XRCC4: variants seen among roughly 807,000 people sequenced by gnomAD.
XRCC4 encodes the protein DNA repair protein XRCC4.
A neutral mutation model predicts 39.1 loss-of-function variants in XRCC4; 28 were observed. The ratio of observed to expected loss-of-function variants is 0.72; its 90% CI spans 0.53 to 0.98. The LOEUF is 0.98. Ranked by LOEUF, XRCC4 falls within the 50% of genes least tolerant of loss-of-function variation. The pLI, the probability that XRCC4 is intolerant of heterozygous loss-of-function variation, is 0.00. For missense variants in XRCC4, 350 were observed against 376.4 expected, an observed-to-expected ratio of 0.93 and a Z score of 0.58; for synonymous variants, 123 against 126.4, an observed-to-expected ratio of 0.97 and a Z score of 0.18.
intron 3 of XRCC4, among the ~76,000 whole-genome samples, chr5:83,121,745 T>C (rs1476318568): frequency 6.6e-6 from 1 of 152,178 alleles, no homozygotes; most frequent in Admixed American, 6.5e-5. Flanking sequence ...TTAATCATGC[T>C]TTGAGATCAC....
intron 7 of XRCC4, among the ~76,000 whole-genome samples, chr5:83,327,727 C>T (rs923308341): frequency 6.6e-6 from 1 of 151,874 alleles, no homozygotes; most frequent in East Asian, 1.9e-4. Flanking sequence ...GGAGTAAAAC[C>T]TCAATTAGTG....
intron 6 of XRCC4, among the ~76,000 whole-genome samples, 158 bp downstream of exon 6, chr5:83,205,079 A>G (rs1751367505): frequency 6.6e-6 from 1 of 152,146 alleles, no homozygotes; most frequent in Non-Finnish European, 1.5e-5. Context: ...TAATGTTAAA[A>G]CTTAATATTA....
At chr5:83,180,904 A>G (rs905071956) in intron 3 of XRCC4, among the ~76,000 whole-genome samples, 1 of 152,086 alleles carries the variant, frequency 6.6e-6, no homozygotes, top group Non-Finnish European at 1.5e-5. Flanking sequence ...CTCAAACACT[A>G]TTTGTTTTTG....
intron 3 of XRCC4, among the ~76,000 whole-genome samples, chr5:83,133,487 G>A (rs1157675121): frequency 1.3e-5 from 2 of 152,200 alleles, no homozygotes; most frequent in Non-Finnish European, 2.9e-5. Context: ...GCCCCCAAAG[G>A]TGGATTCTAC....
Position 83,157,946 on chromosome 5 carries a change from G to A in XRCC4, c.316-37824G>A, listed in dbSNP as rs28360092. Among the ~76,000 whole-genome samples the A allele has an allele frequency of 2.9e-3, 443 of 152,162 alleles. 12 individuals are homozygous for A. The East Asian group carries it at 0.074, about 25-fold the overall frequency. ...TATTGAAAATGCCTATCCTTATTTT[G>A]AGGTTTGTTGTTTTCCCCACTTGCT... On this transcript the variant is annotated intron_variant, in intron 3 of 7. Transcript: ENST00000396027.
rs77035708 is a variant in XRCC4 at position 83,305,926 on chromosome 5, A to G, written c.894-47205A>G. Among the ~76,000 whole-genome samples, 901 of 152,306 alleles carry G rather than the reference A, an allele frequency of 5.9e-3. 12 individuals carry two copies. Among genetic ancestry groups the G allele is most frequent in the African/African-American group, 0.021 (864 of 41,574 alleles). On this transcript the variant is annotated intron_variant, in intron 7 of 7. Transcript: ENST00000396027. ...ATAATCTCTTCAGAATCACAGCACA[A>G]TGAGAACTCATTCTCAGGATGGTCA...
At chr5:83,195,305 C>T (rs1410646432) in intron 3 of XRCC4, among the ~76,000 whole-genome samples, 1 of 152,056 alleles carries the variant, frequency 6.6e-6, no homozygotes, top group African/African-American at 2.4e-5. Context: ...CTACTAGTTT[C>T]CTAAAACTCT....
chr5:83,273,185 A>G (rs1168805064), intron 7 of XRCC4, among the ~76,000 whole-genome samples: 1 of 152,212 alleles, frequency 6.6e-6, no homozygotes, highest in South Asian at 2.1e-4. Context: ...GTGATGATAA[A>G]CTTTTTTTCA....
At chr5:83,208,793 A>G (rs1430399138) in intron 6 of XRCC4, among the ~76,000 whole-genome samples, 1 of 152,092 alleles carries the variant, frequency 6.6e-6, no homozygotes, top group Non-Finnish European at 1.5e-5. Flanking sequence ...CCATAGCAAG[A>G]TTTACTTTTA....
At position 83,111,137 on chromosome 5, in the gene XRCC4, A is replaced by G. The variant is rs372610478; in HGVS notation, c.249A>G (p.Val83=). ...ALLSGAGPAD[V]YTFNFSKESC... ...TGTCAGGAGCAGGACCAGCTGATGT[A>G]TACACGTTTAATTTTTCTAAAGAGT... is the stretch of plus-strand genomic sequence containing the variant. The change falls in exon 3 of 8, where the codon GTA becomes GTG. Residue 83 remains valine, a synonymous_variant. Coordinates refer to ENST00000396027, the MANE Select transcript of XRCC4 (RefSeq NM_003401.5). 1.9e-6 allele frequency: 3 copies of G among 1,606,252 alleles called. No individual in the cohort carries two copies. The highest frequency in any genetic ancestry group is 1.7e-6 in the Non-Finnish European group (2 of 1,177,192).
At chr5:83,228,135 T>C (rs958867437) in intron 6 of XRCC4, among the ~76,000 whole-genome samples, 2 of 152,250 alleles carry the variant, frequency 1.3e-5, no homozygotes, top group Middle Eastern at 6.8e-3. Flanking sequence ...GGAAAGAAAC[T>C]AGGTATCTAT....
chr5:83,362,868 C>A, the XRCC4 span, among the ~76,000 whole-genome samples: 1 of 152,182 alleles, frequency 6.6e-6, no homozygotes, highest in Non-Finnish European at 1.5e-5. Flanking sequence ...TGAGGTTATA[C>A]ACAAAGTTAC....
chr5:83,285,256 A>G (rs1754693167), intron 7 of XRCC4, among the ~76,000 whole-genome samples: 1 of 152,210 alleles, frequency 6.6e-6, no homozygotes, highest in South Asian at 2.1e-4. Flanking sequence ...GTTTACATAT[A>G]AACTGTTAAG....
At chr5:83,282,300 G>A (rs979399570) in intron 7 of XRCC4, among the ~76,000 whole-genome samples, 1 of 151,914 alleles carries the variant, frequency 6.6e-6, no homozygotes, top group Admixed American at 6.6e-5. Flanking sequence ...GCAAATAACT[G>A]AATGATATTT....
intron 7 of XRCC4, among the ~76,000 whole-genome samples, chr5:83,277,514 T>G (rs977021562): frequency 6.6e-6 from 1 of 152,202 alleles, no homozygotes; most frequent in Non-Finnish European, 1.5e-5. Context: ...CACTGACATG[T>G]TGGGGTATTT....
intron 6 of XRCC4, among the ~76,000 whole-genome samples, chr5:83,234,806 T>A (rs776076793): frequency 3.6e-4 from 54 of 152,108 alleles, no homozygotes; most frequent in Non-Finnish European, 7.1e-4. Context: ...GTATGTAATT[T>A]GACATTTAAA....
chr5:83,277,372 G>A (rs1754371052), intron 7 of XRCC4, among the ~76,000 whole-genome samples: 1 of 152,226 alleles, frequency 6.6e-6, no homozygotes, highest in Non-Finnish European at 1.5e-5. Context: ...TTCTGCCATA[G>A]CAACTGGCAA....
chr5:83,208,614 T>TGATA, intron 6 of XRCC4, among the ~76,000 whole-genome samples: 1 of 152,128 alleles, frequency 6.6e-6, no homozygotes, highest in Middle Eastern at 3.4e-3. Flanking sequence ...AAATAACTAA[T>TGATA]GATAATGTAG....
chr5:83,320,998 A>T (rs1756053163), intron 7 of XRCC4, among the ~76,000 whole-genome samples: 2 of 151,816 alleles, frequency 1.3e-5, no homozygotes, highest in Non-Finnish European at 1.5e-5. Context: ...TTTAGTAGAG[A>T]TGGGGTTTCA....
Sources: gnomAD v4.1 joint callset for allele counts (sites outside exome capture counted in the v4.1 genomes callset) on GRCh38, gnomAD v4.1.1 for gene constraint, MANE v1.5 for transcripts, NCBI Gene and HGNC (gene_info 2026-07-23, HGNC 2026-07-21) for gene names.